Variants in SCAND3 observed in about 807,000 individuals in gnomAD.
SCAND3 encodes SCAN domain containing 3, also known as SCAN domain-containing protein 3.
the SCAND3 span, chr6:28,574,819 A>G: frequency 6.2e-7 from 1 of 1,613,970 alleles, no homozygotes; most frequent in East Asian, 2.2e-5. Flanking sequence ...TTGAGAGGGC[A>G]CTCCACAAAT....
the SCAND3 span, among the ~76,000 whole-genome samples, chr6:28,593,843 C>A: frequency 6.6e-6 from 1 of 151,870 alleles, no homozygotes; most frequent in Non-Finnish European, 1.5e-5. Flanking sequence ...TAGCTGAGAC[C>A]GCAGGCATGC....
the SCAND3 span, chr6:28,589,451 T>A: frequency 6.6e-6 from 1 of 150,656 alleles, no homozygotes; most frequent in African/African-American, 2.4e-5. Flanking sequence ...GGTGGGACCT[T>A]TCAAAGGTGA....
At chr6:28,585,705 ATGTC>A in the SCAND3 span, among the ~76,000 whole-genome samples, 1 of 152,218 alleles carries the variant, frequency 6.6e-6, no homozygotes, top group Non-Finnish European at 1.5e-5. Context: ...AAATATAAGA[ATGTC>A]TGGCAATATC....
the SCAND3 span, chr6:28,572,809 T>A: frequency 2.2e-4 from 359 of 1,612,458 alleles, no homozygotes; most frequent in Admixed American, 1.3e-3. This position sits in a 1 kb window ranked among gnomAD's most constrained non-coding sequence, Gnocchi z 4.1. Context: ...TTTTATATAA[T>A]TCACAATTTT....
the SCAND3 span, among the ~76,000 whole-genome samples, chr6:28,613,246 C>T: frequency 6.6e-6 from 1 of 152,298 alleles, no homozygotes; most frequent in South Asian, 2.1e-4. Context: ...CCTCCTACCT[C>T]CCTCAACTCA....
the SCAND3 span, chr6:28,571,734 T>C: frequency 5.0e-4 from 282 of 561,354 alleles, 3 homozygotes; most frequent in African/African-American, 4.9e-3. Context: ...TACACATTCT[T>C]AATTGAAAAT....
chr6:28,587,619 A>G, the SCAND3 span: 11 of 152,152 alleles, frequency 7.2e-5, no homozygotes, highest in Non-Finnish European at 1.3e-4. Flanking sequence ...GGAGAGGAGC[A>G]TCCCTAAGGA....
At chr6:28,607,935 G>A in the SCAND3 span, among the ~76,000 whole-genome samples, 1 of 152,248 alleles carries the variant, frequency 6.6e-6, no homozygotes, top group Admixed American at 6.5e-5. Flanking sequence ...TGGGGTGCCT[G>A]CATAAACTGG....
chr6:28,612,525 A>T, the SCAND3 span, among the ~76,000 whole-genome samples: 1 of 152,214 alleles, frequency 6.6e-6, no homozygotes, highest in East Asian at 1.9e-4. Context: ...AAGACCATAA[A>T]CACACTGGTA....
the SCAND3 span, among the ~76,000 whole-genome samples, chr6:28,580,793 C>G: frequency 8.9e-6 from 1 of 112,006 alleles, no homozygotes; most frequent in Non-Finnish European, 1.8e-5. Flanking sequence ...GACTCTCCCC[C>G]ACCCCCCCAC....
chr6:28,608,056 T>A, the SCAND3 span, among the ~76,000 whole-genome samples: 1 of 152,132 alleles, frequency 6.6e-6, no homozygotes, highest in Non-Finnish European at 1.5e-5. Flanking sequence ...CGCTCTCTTA[T>A]CTGTAAACAC....
the SCAND3 span, chr6:28,572,985 T>C: frequency 1.2e-6 from 2 of 1,613,842 alleles, no homozygotes; most frequent in Non-Finnish European, 1.7e-6. The surrounding 1 kb of genome is among the most constrained non-coding windows in gnomAD (Gnocchi z 4.1). Context: ...CATCAGAACA[T>C]ACTCCTACAC....
chr6:28,573,029 T>C, the SCAND3 span: 2 of 1,612,816 alleles, frequency 1.2e-6, no homozygotes, highest in Non-Finnish European at 1.7e-6. Flanking sequence ...TTGTTAACAA[T>C]ATAATTCTTT....
the SCAND3 span, among the ~76,000 whole-genome samples, chr6:28,600,782 T>C: frequency 6.6e-6 from 1 of 152,100 alleles, no homozygotes; most frequent in Non-Finnish European, 1.5e-5. Flanking sequence ...TATTAGATAA[T>C]ATTAAGAATT....
the SCAND3 span, among the ~76,000 whole-genome samples, chr6:28,599,882 A>G: frequency 6.6e-6 from 1 of 152,320 alleles, no homozygotes; most frequent in Middle Eastern, 3.4e-3. Context: ...TTCAGTGGAG[A>G]AAAGCATGAT....
the SCAND3 span, among the ~76,000 whole-genome samples, chr6:28,600,103 A>C: frequency 5.9e-5 from 9 of 152,284 alleles, no homozygotes; most frequent in Admixed American, 1.3e-4. Context: ...AACAACACCA[A>C]AAGCAAAACA....
At chr6:28,611,810 TAGG>T in the SCAND3 span, among the ~76,000 whole-genome samples, 1 of 152,226 alleles carries the variant, frequency 6.6e-6, no homozygotes. Flanking sequence ...ATGTTTCAAA[TAGG>T]AGTTGTTTTC....
chr6:28,586,943 C>CTTT, the SCAND3 span: 1 of 570,496 alleles, frequency 1.8e-6, no homozygotes, highest in Non-Finnish European at 3.1e-6. This position sits in a 1 kb window ranked among gnomAD's most constrained non-coding sequence, Gnocchi z 4.4. Flanking sequence ...TCTGAAAAGA[C>CTTT]CAGAAATAGT....
At chr6:28,587,099 C>T in the SCAND3 span, 1 of 196,794 alleles carries the variant, frequency 5.1e-6, no homozygotes, top group Non-Finnish European at 1.0e-5. Context: ...AAGATCGGAG[C>T]AGCCTGGGCG....
Sources: allele counts gnomAD v4.1 joint callset (sites outside exome capture counted in the v4.1 genomes callset), GRCh38; gene constraint gnomAD v4.1.1; non-coding constraint Gnocchi (gnomAD v3.1); transcripts MANE v1.5; gene names NCBI Gene and HGNC (gene_info 2026-07-23, HGNC 2026-07-21).